The following NHSL1 variants were observed in gnomAD, a reference collection of about 807,000 sequenced individuals.
NHSL1 encodes the protein NHS like 1.
A neutral mutation model predicts 95.0 loss-of-function variants in NHSL1; 48 were observed. The observed-to-expected ratio is 0.51, with a 90% CI of 0.40 to 0.64. NHSL1 has a LOEUF of 0.64. Ranked by LOEUF, NHSL1 falls within the 30% of genes least tolerant of loss-of-function variation. The probability of loss-of-function intolerance (pLI) is 0.00; values close to 1 mark genes in which losing one functional copy is unlikely to be tolerated. For missense variants in NHSL1, 1,971 were observed against 2,077.7 expected (o/e 0.95, Z 1.00); for synonymous variants, 783 against 833.9 (o/e 0.94, Z 1.05).
chr6:138,650,938 G>A (rs910818985), intron 1 of NHSL1: 4 of 536,000 alleles, frequency 7.5e-6, no homozygotes, highest in Non-Finnish European at 1.5e-5. Context: ...CATAGGTGAA[G>A]AAGCTTGGCA....
chr6:138,513,048 T>C (rs1365961242), intron 1 of NHSL1, among the ~76,000 whole-genome samples: 1 of 152,166 alleles, frequency 6.6e-6, no homozygotes, highest in Non-Finnish European at 1.5e-5. Flanking sequence ...CTATGTGTTC[T>C]ACACATGGCA....
At position 138,433,607 on chromosome 6, in the gene NHSL1, C is replaced by T. The variant is rs770200941; in HGVS notation, c.738G>A (p.Arg246=). ...GCCCAGCAGACCGACAGCTATTGAA[C>T]CTTCCTAGTGTAGAGTAGTGATCAG... ...YTPDHYSTLG[R]FNSCRSAGQR... The change falls in exon 6 of 8, where the codon AGG becomes AGA. Residue 246 remains arginine, a synonymous_variant. Coordinates refer to ENST00000343505, the MANE Select transcript of NHSL1 (RefSeq NM_001144060.2). 4.1e-5 allele frequency: 64 copies of T among 1,552,022 alleles called. No individual in the cohort carries two copies. Among genetic ancestry groups the T allele is most frequent in the South Asian group, 1.7e-4 (14 of 84,064 alleles).
chr6:138,606,891 G>A (rs1163048059), intron 1 of NHSL1, among the ~76,000 whole-genome samples: 2 of 151,814 alleles, frequency 1.3e-5, no homozygotes, highest in Non-Finnish European at 2.9e-5. Flanking sequence ...TTTTAGTAGA[G>A]ACGGGGTTTC....
At chr6:138,552,019 G>C (rs1783023255) in intron 1 of NHSL1, among the ~76,000 whole-genome samples, 1 of 152,166 alleles carries the variant, frequency 6.6e-6, no homozygotes, top group African/African-American at 2.4e-5. Context: ...CTACACAAAT[G>C]CTTCATGGAG....
intron 3 of NHSL1, among the ~76,000 whole-genome samples, chr6:138,472,696 G>A (rs1221137331): frequency 6.6e-6 from 1 of 152,110 alleles, no homozygotes; most frequent in Non-Finnish European, 1.5e-5. Context: ...TGTGTATTTA[G>A]TATTGAGAAA....
Position 138,606,686 on chromosome 6 carries a change from TTTTC to T in NHSL1, c.96+85786_96+85789del, listed in dbSNP as rs1220849275. Reference sequence around the variant, plus strand: ...ACCCCACCTTCATCTGGCTACTTCTTTTTCTTTCTTTCTTTCTTTTTTTTTTTTT... The same window carrying T: ...ACCCCACCTTCATCTGGCTACTTCTTTTTCTTTCTTTCTTTTTTTTTTTTT... On this transcript the variant is annotated intron_variant, in intron 1 of 3. Coordinates refer to the NHSL1 transcript ENST00000491526. Among the ~76,000 whole-genome samples the T allele has an allele frequency of 6.2e-3, 911 of 147,086 alleles. 5 individuals carry two copies. Among genetic ancestry groups the T allele is most frequent in the South Asian group, 0.023 (105 of 4,564 alleles).
intron 1 of NHSL1, among the ~76,000 whole-genome samples, chr6:138,620,079 C>T (rs1784634817): frequency 1.3e-5 from 2 of 149,176 alleles, no homozygotes; most frequent in East Asian, 1.9e-4. Context: ...CTCCTTAACA[C>T]CTGCCAAGAA....
At chr6:138,505,767 T>C (rs1583321490) in intron 1 of NHSL1, among the ~76,000 whole-genome samples, 2 of 152,148 alleles carry the variant, frequency 1.3e-5, no homozygotes, top group South Asian at 4.1e-4. Context: ...AGAGTTCTGC[T>C]CAGGGCTGTG....
At chr6:138,571,465 G>A in intron 1 of NHSL1, 3 of 457,704 alleles carry the variant, frequency 6.6e-6, no homozygotes, top group Middle Eastern at 6.1e-4. Context: ...GAGGGAGGGA[G>A]GCTGCCGAGA....
chr6:138,685,153 A>C (rs1785569563), intron 1 of NHSL1, among the ~76,000 whole-genome samples: 1 of 152,188 alleles, frequency 6.6e-6, no homozygotes, highest in South Asian at 2.1e-4. Flanking sequence ...TAAAATATAT[A>C]CAGCTAAAAT....
intron 1 of NHSL1, among the ~76,000 whole-genome samples, chr6:138,666,797 C>G (rs1785301486): frequency 6.6e-6 from 1 of 151,996 alleles, no homozygotes; most frequent in Non-Finnish European, 1.5e-5. Context: ...GATGGACACT[C>G]AAATGTTGAC....
intron 5 of NHSL1, among the ~76,000 whole-genome samples, chr6:138,437,296 GTA>G (rs144143973): frequency 0.048 from 4,616 of 96,086 alleles, 312 homozygotes; most frequent in African/African-American, 0.071. Flanking sequence ...ATACACAAAT[GTA>G]TATATATATA....
At chr6:138,525,955 T>C (rs1209277842) in intron 1 of NHSL1, among the ~76,000 whole-genome samples, 1 of 151,270 alleles carries the variant, frequency 6.6e-6, no homozygotes, top group African/African-American at 2.4e-5. Flanking sequence ...AAATTAGCTG[T>C]GGTGGGAGGA....
At chr6:138,445,289 A>G (rs9389580) in intron 4 of NHSL1, among the ~76,000 whole-genome samples, 9,504 of 152,256 alleles carry the variant, frequency 0.062, 794 homozygotes, top group East Asian at 0.36. Context: ...TAATGTAATT[A>G]CATTTCTGCT....
chr6:138,530,789 G>A (rs1422451408), intron 1 of NHSL1, among the ~76,000 whole-genome samples: 2 of 152,056 alleles, frequency 1.3e-5, no homozygotes, highest in Non-Finnish European at 2.9e-5. Context: ...ATGGTATAAT[G>A]GACTTTGGGG....
At chr6:138,464,548 GA>G (rs1040539695) in intron 3 of NHSL1, among the ~76,000 whole-genome samples, 1 of 151,880 alleles carries the variant, frequency 6.6e-6, no homozygotes, top group African/African-American at 2.4e-5. Context: ...CTGTCTCTGT[GA>G]TTTTTTTTTT....
At chr6:138,551,509 T>G (rs1196981409) in intron 1 of NHSL1, among the ~76,000 whole-genome samples, 1 of 152,156 alleles carries the variant, frequency 6.6e-6, no homozygotes, top group African/African-American at 2.4e-5. Flanking sequence ...TGGTGGCACC[T>G]ATGACCATGA....
intron 2 of NHSL1, among the ~76,000 whole-genome samples, chr6:138,484,611 C>G (rs1454570131): frequency 1.3e-5 from 2 of 152,068 alleles, no homozygotes; most frequent in Non-Finnish European, 2.9e-5. Flanking sequence ...GTCTTGGGAC[C>G]AATATCTCTG....
chr6:138,631,756 G>A (rs1032508786), intron 1 of NHSL1, among the ~76,000 whole-genome samples: 4 of 152,068 alleles, frequency 2.6e-5, no homozygotes, highest in African/African-American at 7.2e-5. Context: ...TCTGAGACTC[G>A]TAGGTTTCAG....
Sources: gnomAD v4.1 joint callset for allele counts (sites outside exome capture counted in the v4.1 genomes callset) on GRCh38, gnomAD v4.1.1 for gene constraint, MANE v1.5 for transcripts, NCBI Gene and HGNC (gene_info 2026-07-23, HGNC 2026-07-21) for gene names.